The following TMPRSS2 variants were observed in gnomAD, a reference collection of about 807,000 sequenced individuals.
The protein encoded by TMPRSS2 is transmembrane serine protease 2, also known as transmembrane protease serine 2.
A neutral mutation model predicts 67.4 loss-of-function variants in TMPRSS2; 59 were observed. The ratio of observed to expected loss-of-function variants is 0.88; its 90% CI spans 0.71 to 1.09. TMPRSS2 has a LOEUF of 1.09. TMPRSS2 is among the 50% of genes least tolerant of loss of function. The probability of loss-of-function intolerance (pLI) is 0.00; values close to 1 mark genes in which losing one functional copy is unlikely to be tolerated. For missense variants in TMPRSS2, 668 were observed against 642.7 expected, an observed-to-expected ratio of 1.04 and a Z score of -0.43; for synonymous variants, 257 against 257.0, an observed-to-expected ratio of 1.00 and a Z score of 0.00.
At chr21:41,505,755 C>A (rs767583385) in intron 1 of TMPRSS2, among the ~76,000 whole-genome samples, 2 of 152,222 alleles carry the variant, frequency 1.3e-5, no homozygotes, top group Non-Finnish European at 2.9e-5. Context: ...CCTCCACTTG[C>A]TGGTAACATT....
rs1405767376 is a variant in TMPRSS2, at chr21:41,498,179, T to C, written c.-46A>G. ...CGAGTAATGATAGGTATCTGGAATG[T>C]TCAATATGACCTAGAAGAAAGAATT... On this transcript the variant is annotated 5_prime_UTR_variant, in exon 2 of 14. Coordinates refer to ENST00000332149, the MANE Select transcript of TMPRSS2 (RefSeq NM_005656.4). The C allele has an allele frequency of 5.6e-6, 9 of 1,610,980 alleles. No individual in the cohort carries two copies. Among genetic ancestry groups the C allele is most frequent in the Non-Finnish European group, 7.6e-6 (9 of 1,177,516 alleles).
intron 2 of TMPRSS2, 188 bp from the exon 3 acceptor site, chr21:41,494,766 A>G: frequency 1.4e-6 from 1 of 725,514 alleles, no homozygotes; most frequent in Non-Finnish European, 2.4e-6. Context: ...AGAAAGTGAC[A>G]AGATATTAAA....
rs1290909858 is a variant in TMPRSS2, at chr21:41,465,803, T to C, written c.*339A>G. On this transcript the variant is annotated 3_prime_UTR_variant, in exon 14 of 14. Coordinates refer to ENST00000332149, the MANE Select transcript of TMPRSS2 (RefSeq NM_005656.4). ...CTCAAGTCATCCAGCAGCTGAGAGG[T>C]GACAGCTCCATGCTCATCCAAAATT... 3 of 344,752 alleles carry C rather than the reference T, an allele frequency of 8.7e-6. No homozygotes were observed. The highest frequency in any genetic ancestry group is 6.3e-5 in the African/African-American group (3 of 47,752). 21.4% of individuals were successfully genotyped at this position (344,752 alleles called of 1,614,324 possible).
intron 1 of TMPRSS2, among the ~76,000 whole-genome samples, chr21:41,504,422 T>C (rs537222112): frequency 6.6e-6 from 1 of 152,222 alleles, no homozygotes; most frequent in Non-Finnish European, 1.5e-5. Flanking sequence ...AACTTCACTC[T>C]GTTTACAACA....
In TMPRSS2 at chr21:41,482,449, G is replaced by A. The variant is rs118134524; in HGVS notation, c.446-1847C>T. ...GATAAATGATGCGTTCAAGTATCAC[G>A]TTATTCATGCAAAGCTGAAAGCATG... On this transcript the variant is annotated intron_variant, in intron 5 of 13. Coordinates refer to ENST00000332149, the MANE Select transcript of TMPRSS2 (RefSeq NM_005656.4). Among the ~76,000 whole-genome samples the A allele has an allele frequency of 5.3e-4, 80 of 152,332 alleles. No individual in the cohort carries two copies. The East Asian group carries it at 0.014, about 26-fold the overall frequency.
intron 11 of TMPRSS2, 87 bp from the exon 12 acceptor site, chr21:41,468,625 G>T (rs1264673840): frequency 6.8e-7 from 1 of 1,461,504 alleles, no homozygotes; most frequent in Non-Finnish European, 9.4e-7. Flanking sequence ...ACCTCCACAC[G>T]CACTACACAG....
At chr21:41,498,698 C>A (rs1258527775) in intron 1 of TMPRSS2, among the ~76,000 whole-genome samples, 1 of 152,154 alleles carries the variant, frequency 6.6e-6, no homozygotes, top group Non-Finnish European at 1.5e-5. Flanking sequence ...AGAAACACGA[C>A]AAGGTAACTA....
chr21:41,480,931 C>T (rs1289195817), intron 5 of TMPRSS2, among the ~76,000 whole-genome samples: 3 of 152,242 alleles, frequency 2.0e-5, no homozygotes, highest in Non-Finnish European at 4.4e-5. Context: ...AGCCATTGCA[C>T]CTGGCCTTGT....
rs1484659356 is a variant in TMPRSS2, at chr21:41,464,706, C to G, written c.*1436G>C. 8.6e-6 allele frequency: 2 copies of G among 233,118 alleles called. No homozygotes were observed. Among genetic ancestry groups the G allele is most frequent in the African/African-American group, 4.4e-5 (2 of 45,320 alleles). 14.4% of individuals were successfully genotyped at this position (233,118 alleles called of 1,614,324 possible). Reference sequence around the variant, plus strand: ...GAAGACGTTTTCACCATTACAACACCTTTTAGGATGTGTCTTGGGGAGCAA... The same window carrying G: ...GAAGACGTTTTCACCATTACAACACGTTTTAGGATGTGTCTTGGGGAGCAA... On this transcript the variant is annotated 3_prime_UTR_variant, in exon 14 of 14. Coordinates refer to ENST00000332149, the MANE Select transcript of TMPRSS2 (RefSeq NM_005656.4).
intron 11 of TMPRSS2, chr21:41,468,901 G>A (rs530701233): frequency 8.2e-5 from 19 of 230,838 alleles, no homozygotes; most frequent in South Asian, 1.9e-4. Flanking sequence ...ACACACAGGC[G>A]CCTGTTTCCC....
Position 41,473,431 on chromosome 21 carries a change from C to T in TMPRSS2, c.793G>A (p.Gly265Arg). 6.2e-7 allele frequency: 1 copy of T among 1,610,342 alleles called. No homozygotes were observed. The highest frequency in any genetic ancestry group is 1.3e-5 in the African/African-American group (1 of 75,022). ...RIVGGESALP[G>R]AWPWQVSLHV... ...AGGCTGACCTGCCAGGGCCAGGCCC[C>T]CGGGAGCGCGCTCTCGCCGCCCACA... is the stretch of plus-strand genomic sequence containing the variant. Residue 265 changes from glycine to arginine, a missense_variant, in exon 9 of 14, where the codon GGG becomes AGG. Gly to Arg is a moderately radical substitution (Grantham distance 125, BLOSUM62 -2). Transcript: ENST00000332149.
intron 5 of TMPRSS2, among the ~76,000 whole-genome samples, chr21:41,485,778 A>G (rs963073531): frequency 2.0e-5 from 3 of 152,242 alleles, no homozygotes; most frequent in Non-Finnish European, 4.4e-5. Context: ...AACTATGTTT[A>G]ATCAGCAAAT....
chr21:41,495,527 A>C (rs1382783685), intron 2 of TMPRSS2, among the ~76,000 whole-genome samples: 2 of 149,820 alleles, frequency 1.3e-5, no homozygotes, highest in Admixed American at 6.7e-5. Flanking sequence ...TGGGAGGCCG[A>C]GGCGGGAGAA....
At position 41,467,863 on chromosome 21, in the gene TMPRSS2, G is replaced by A. The variant is rs1325779155; in HGVS notation, c.1338C>T (p.Val446=). Residue 446 remains valine (V), a synonymous_variant, in exon 13 of 14, where the codon GTC becomes GTT. Transcript: ENST00000332149. ...SCQGDSGGPL[V]TSKNNIWWLI... ...GCCACCAGATATTGTTCTTCGAAGT[G>A]ACCAGAGGCCCTCCACTGTCACCCT... is the stretch of plus-strand genomic sequence containing the variant. 6.2e-7 allele frequency: 1 copy of A among 1,614,066 alleles called. No homozygotes were observed. Among genetic ancestry groups the A allele is most frequent in the African/African-American group, 1.3e-5 (1 of 74,918 alleles).
rs760195090 is a variant in TMPRSS2 at position 41,494,432 on chromosome 21, C to T, written c.162G>A (p.Pro54=). The change falls in exon 3 of 14, where the codon CCG becomes CCA. Residue 54 remains proline (P), a synonymous_variant. Transcript: ENST00000332149. ...GGTTGGAAGCCTGCGTCAGGACCCT[C>T]GGGGCGTACTGGGGCACGGGGGACG... The part of the protein sequence containing the change: ...YYPSPVPQYA[P]RVLTQASNPV... 1.9e-5 allele frequency: 30 copies of T among 1,612,966 alleles called. No homozygotes were observed. The highest frequency in any genetic ancestry group is 6.6e-5 in the South Asian group (6 of 90,936).
At chr21:41,499,792 C>A (rs971458519) in intron 1 of TMPRSS2, among the ~76,000 whole-genome samples, 1 of 152,188 alleles carries the variant, frequency 6.6e-6, no homozygotes. Flanking sequence ...TTTAACAAGT[C>A]TCATTGGACG....
intron 5 of TMPRSS2, among the ~76,000 whole-genome samples, chr21:41,481,925 G>A (rs900009273): frequency 6.6e-6 from 1 of 152,088 alleles, no homozygotes; most frequent in African/African-American, 2.4e-5. Context: ...GCCAAGTGTG[G>A]TGGCACGCAT....
In TMPRSS2 at chr21:41,490,008, C is replaced by T. The variant is rs199704982; in HGVS notation, c.239-415G>A. 1.5e-4 allele frequency among the ~76,000 whole-genome samples: 23 copies of T among 151,920 alleles called. No homozygotes were observed. In the East Asian group the frequency reaches 2.7e-3, roughly 18 times the overall value. The stretch of plus-strand genomic sequence containing the variant: ...ACTAAAAATACAAAAATTAGCTGGG[C>T]GTGGTGGCAGGTGCCTGTAATCCTA... On this transcript the variant is annotated intron_variant, in intron 3 of 13. Coordinates refer to ENST00000332149, the MANE Select transcript of TMPRSS2 (RefSeq NM_005656.4).
chr21:41,501,608 CAAAAAAAAAAAAAAA>C lies in TMPRSS2; in HGVS notation c.-56-3434_-56-3420del, dbSNP rs57394908. ...TGGGTGACAGAGAGAGACTCTGTCT[CAAAAAAAAAAAAAAA>C]AAAAAAAAAAAAAGAAACAACAACA... On this transcript the variant is annotated intron_variant, in intron 1 of 13. Transcript: ENST00000332149. Among the ~76,000 whole-genome samples, 4 of 86,536 alleles carry C rather than the reference CAAAAAAAAAAAAAAA, an allele frequency of 4.6e-5. 1 individual carries two copies. Among genetic ancestry groups the C allele is most frequent in the African/African-American group, 4.3e-5 (1 of 22,996 alleles). The allele number at this position is 86,536 out of a possible 152,430, so 56.8% of individuals were successfully genotyped here.
Sources: gnomAD v4.1 joint callset for allele counts (sites outside exome capture counted in the v4.1 genomes callset) on GRCh38, gnomAD v4.1.1 for gene constraint, MANE v1.5 for transcripts, NCBI Gene and HGNC (gene_info 2026-07-23, HGNC 2026-07-21) for gene names.